DNAH9: variants seen among roughly 807,000 people sequenced by gnomAD.
DNAH9 encodes the protein DNAH9 variant protein.
A neutral mutation model predicts 471.6 loss-of-function variants in DNAH9; 345 were observed. The observed-to-expected ratio is 0.73, with a 90% CI of 0.67 to 0.80. The LOEUF (loss-of-function observed/expected upper bound fraction) is 0.80. DNAH9 is among the 30% of genes least tolerant of loss of function. The pLI is 0.00. For synonymous variants in DNAH9, 2,093 were observed against 2,123.6 expected, an observed-to-expected ratio of 0.99 and a Z score of 0.40; for missense variants, 5,407 against 5,609.2, an observed-to-expected ratio of 0.96 and a Z score of 1.15.
Position 11,781,065 on chromosome 17 carries a change from A to G in DNAH9, c.7609A>G (p.Asn2537Asp), listed in dbSNP as rs1968648950. The G allele has an allele frequency of 1.2e-6, 2 of 1,614,050 alleles. No individual in the cohort carries two copies. Among genetic ancestry groups the G allele is most frequent in the Admixed American group, 1.7e-5 (1 of 60,006 alleles). Reference protein sequence around the residue: ...KAGRNYGPPGNKKLIYFIDDM... With the variant: ...KAGRNYGPPGDKKLIYFIDDM... ...TGGCAGAAACTATGGCCCTCCAGGGAACAAGAAACTCATCTATTTCATTGA... is the reference window on the plus strand; with the variant it reads ...TGGCAGAAACTATGGCCCTCCAGGGGACAAGAAACTCATCTATTTCATTGA... Residue 2537 changes from asparagine (N) to aspartate (D), a missense_variant, in exon 39 of 69, where the codon AAC becomes GAC. Asn to Asp is a conservative substitution (Grantham distance 23). Around this residue, in one of 3 missense-constraint regions of DNAH9, gnomAD observed 4,636 missense variants for 4,900.3 expected, o/e 0.95. Transcript: ENST00000262442.
At chr17:11,728,126 A>C in intron 28 of DNAH9, 1 of 557,174 alleles carries the variant, frequency 1.8e-6, no homozygotes, top group East Asian at 2.9e-5. Context: ...CCAAAGTAGA[A>C]CCATTTACTG....
At chr17:11,668,968 A>G (rs1445502461) in intron 15 of DNAH9, 96 bp from the exon 16 acceptor site, 1 of 865,020 alleles carries the variant, frequency 1.2e-6, no homozygotes, top group African/African-American at 1.7e-5. Context: ...AGCCTATCTA[A>G]AGAAAAGCAT....
chr17:11,675,748 A>G (rs148068437), intron 17 of DNAH9, among the ~76,000 whole-genome samples: 1 of 152,198 alleles, frequency 6.6e-6, no homozygotes, highest in Non-Finnish European at 1.5e-5. Flanking sequence ...TTGGCTTCTA[A>G]TGTTAAAACA....
chr17:11,852,648 A>G (rs994126655), intron 49 of DNAH9, among the ~76,000 whole-genome samples: 2 of 151,650 alleles, frequency 1.3e-5, no homozygotes, highest in Non-Finnish European at 2.9e-5. Context: ...ATTTTTACTT[A>G]CAGATCCTGA....
At chr17:11,835,913 C>A (rs962548058) in intron 49 of DNAH9, among the ~76,000 whole-genome samples, 1 of 152,168 alleles carries the variant, frequency 6.6e-6, no homozygotes. Flanking sequence ...CCCCCCATGC[C>A]GAATACTCTG....
intron 10 of DNAH9, among the ~76,000 whole-genome samples, chr17:11,641,779 A>G (rs550252717): frequency 1.1e-4 from 17 of 152,192 alleles, no homozygotes; most frequent in Non-Finnish European, 2.4e-4. Flanking sequence ...GTTCCCAGGA[A>G]GCAGACCTAT....
chr17:11,761,519 C>T (rs1404335166), intron 35 of DNAH9, among the ~76,000 whole-genome samples: 1 of 152,216 alleles, frequency 6.6e-6, no homozygotes, highest in Admixed American at 6.5e-5. Flanking sequence ...GTCCCGCTCC[C>T]ACACAAACCC....
intron 45 of DNAH9, among the ~76,000 whole-genome samples, chr17:11,811,384 G>T (rs1322334704): frequency 5.3e-5 from 8 of 152,098 alleles, no homozygotes; most frequent in African/African-American, 1.9e-4. Flanking sequence ...CAGTATGCTG[G>T]ATCCCATCCT....
chr17:11,816,717 T>C (rs1336794225), intron 45 of DNAH9, among the ~76,000 whole-genome samples: 3 of 152,186 alleles, frequency 2.0e-5, no homozygotes, highest in African/African-American at 7.2e-5. Context: ...AAAGCAGCTG[T>C]GGCCTTTAAG....
At chr17:11,940,974 A>G (rs967526075) in intron 66 of DNAH9, among the ~76,000 whole-genome samples, 1 of 152,172 alleles carries the variant, frequency 6.6e-6, no homozygotes, top group Middle Eastern at 3.2e-3. Flanking sequence ...GAGTCAGCCT[A>G]AGAAGAGATA....
chr17:11,812,011 AAAAAAAAAAAAAAAAAT>A (rs1969929552), intron 45 of DNAH9, among the ~76,000 whole-genome samples: 3 of 61,542 alleles, frequency 4.9e-5, no homozygotes, highest in African/African-American at 8.3e-5. Context: ...AAAAAAAAAA[AAAAAAAAAAAAAAAAAT>A]ATATATATAT....
intron 9 of DNAH9, among the ~76,000 whole-genome samples, chr17:11,638,406 A>G (rs540499480): frequency 6.6e-6 from 1 of 151,828 alleles, no homozygotes; most frequent in African/African-American, 2.4e-5. Context: ...TTTTTTTAAG[A>G]CGGCGTCTGG....
At chr17:11,887,142 A>G (rs1204074581) in intron 57 of DNAH9, among the ~76,000 whole-genome samples, 177 bp downstream of exon 57, 1 of 152,178 alleles carries the variant, frequency 6.6e-6, no homozygotes, top group Non-Finnish European at 1.5e-5. Context: ...CATCTCTTTA[A>G]TTGGGTCTTA....
At chr17:11,956,706 T>G (rs1371305868) in intron 67 of DNAH9, among the ~76,000 whole-genome samples, 1 of 151,852 alleles carries the variant, frequency 6.6e-6, no homozygotes, top group African/African-American at 2.4e-5. Flanking sequence ...AATAGCATAT[T>G]TCTAAATAAT....
chr17:11,814,076 A>G (rs910827188), intron 45 of DNAH9, among the ~76,000 whole-genome samples: 4 of 152,276 alleles, frequency 2.6e-5, no homozygotes, highest in African/African-American at 4.8e-5. Flanking sequence ...TGAAAGGTTC[A>G]TTACTGGCTA....
chr17:11,704,135 G>A (rs1214279488), intron 24 of DNAH9, 68 bp from the exon 25 acceptor site: 73 of 1,582,796 alleles, frequency 4.6e-5, no homozygotes, highest in Non-Finnish European at 5.9e-5. Flanking sequence ...AGCCCTTGCT[G>A]TGTGATGAGT....
rs2072970306 is a variant in DNAH9 at position 11,626,380 on chromosome 17, A to G, written c.1351-3037A>G. On this transcript the variant is annotated intron_variant, in intron 6 of 68. Coordinates refer to ENST00000262442, the MANE Select transcript of DNAH9 (RefSeq NM_001372.4). The surrounding 1 kb of genome is among the most constrained non-coding windows in gnomAD (Gnocchi z 4.3). ...AAGATTTAAGGCTAATCAAAGATATAGCCATGGTCAATGCCATAAGTCTGG... is the reference window on the plus strand; with the variant it reads ...AAGATTTAAGGCTAATCAAAGATATGGCCATGGTCAATGCCATAAGTCTGG... Among the ~76,000 whole-genome samples the G allele has an allele frequency of 6.6e-6, 1 of 152,208 alleles. No homozygotes were observed. The highest frequency in any genetic ancestry group is 2.4e-5 in the African/African-American group (1 of 41,452).
At chr17:11,884,394 A>C (rs1972817202) in intron 56 of DNAH9, 1 of 335,070 alleles carries the variant, frequency 3.0e-6, no homozygotes, top group African/African-American at 2.2e-5. Flanking sequence ...ATACCACCAA[A>C]CCTCCAACAA....
At chr17:11,963,453 C>G (rs1288846802) in intron 68 of DNAH9, among the ~76,000 whole-genome samples, 2 of 150,662 alleles carry the variant, frequency 1.3e-5, no homozygotes, top group Non-Finnish European at 3.0e-5. Context: ...AAAAAGAAGA[C>G]AACGACCACA....
Sources: gnomAD v4.1 joint callset for allele counts (sites outside exome capture counted in the v4.1 genomes callset) on GRCh38, gnomAD v4.1.1 for gene constraint, gnomAD v4.1.1 regional missense constraint, Gnocchi (gnomAD v3.1) non-coding constraint, MANE v1.5 for transcripts, NCBI Gene and HGNC (gene_info 2026-07-23, HGNC 2026-07-21) for gene names.